Variants in UNC93A observed in about 807,000 individuals in gnomAD.
The protein encoded by UNC93A is unc-93 homolog A, also known as N-acetylglucosamine transporter UNC93A.
In UNC93A, 43 loss-of-function variants were observed where a neutral mutation model predicts 47.5. That is an observed-to-expected ratio of 0.91 (90% CI 0.71 to 1.17). UNC93A has a LOEUF of 1.17. Ranked by LOEUF, UNC93A falls within the 50% of genes most tolerant of loss-of-function variation. The pLI, the probability that UNC93A is intolerant of heterozygous loss-of-function variation, is 0.00. For synonymous variants in UNC93A, 280 were observed against 258.0 expected, an observed-to-expected ratio of 1.09 and a Z score of -0.82; for missense variants, 605 against 577.6, an observed-to-expected ratio of 1.05 and a Z score of -0.49.
intron 1 of UNC93A, among the ~76,000 whole-genome samples, chr6:167,283,667 G>A (rs6934251): frequency 0.019 from 2,921 of 152,086 alleles, 105 homozygotes; most frequent in African/African-American, 0.067. Context: ...AATGAGTTGC[G>A]GAACATGCCA....
intron 2 of UNC93A, among the ~76,000 whole-genome samples, chr6:167,295,428 A>ATCCTCGGCCTCCCTCGTGC (rs1583075018): frequency 2.8e-5 from 2 of 70,288 alleles, no homozygotes; most frequent in African/African-American, 6.3e-5. Context: ...CTCCCTCGTG[A>ATCCTCGGCCTCCCTCGTGC]TCCTCGGCCT....
Position 167,272,987 on chromosome 6 carries a change from G to A in UNC93A, c.-52+1529G>A, listed in dbSNP as rs377346547. Reference sequence around the variant, plus strand: ...AATTTAAGAGTGCCCTGGCAGAGGAGGAGGTTCATTCAGATGGTTGGGGGG... The same window carrying A: ...AATTTAAGAGTGCCCTGGCAGAGGAAGAGGTTCATTCAGATGGTTGGGGGG... On this transcript the variant is annotated intron_variant, in intron 1 of 3. Coordinates refer to the UNC93A transcript ENST00000503433. Among the ~76,000 whole-genome samples the A allele has an allele frequency of 1.2e-4, 18 of 151,718 alleles. 1 individual carries two copies. In the South Asian group the frequency reaches 3.6e-3, roughly 30 times the overall value.
chr6:167,309,895 G>A (rs1424517891), intron 7 of UNC93A, among the ~76,000 whole-genome samples: 4 of 152,268 alleles, frequency 2.6e-5, no homozygotes, highest in Non-Finnish European at 4.4e-5. Context: ...TTGGCCCAGC[G>A]CCACACTCTG....
chr6:167,276,631 G>T (rs1297164773), intron 1 of UNC93A, among the ~76,000 whole-genome samples: 1 of 152,130 alleles, frequency 6.6e-6, no homozygotes, highest in African/African-American at 2.4e-5. Context: ...AGAGTCCCGG[G>T]ATCCCAGCTG....
intron 1 of UNC93A, among the ~76,000 whole-genome samples, chr6:167,279,668 T>C (rs1001079187): frequency 6.6e-6 from 1 of 152,204 alleles, no homozygotes; most frequent in African/African-American, 2.4e-5. Flanking sequence ...CAGTCGAGTA[T>C]AACCATAGAT....
chr6:167,309,614 G>C (rs1021734890), intron 7 of UNC93A, among the ~76,000 whole-genome samples: 1 of 152,110 alleles, frequency 6.6e-6, no homozygotes, highest in African/African-American at 2.4e-5. Context: ...ACCCACAAAC[G>C]AACTACAGGC....
intron 5 of UNC93A, 124 bp downstream of exon 5, chr6:167,304,257 C>CG: frequency 9.5e-7 from 1 of 1,055,474 alleles, no homozygotes; most frequent in Non-Finnish European, 1.4e-6. Context: ...CTGGAGGGAG[C>CG]GGGGTCCTAT....
chr6:167,291,791 A>G (rs549656402), intron 1 of UNC93A, among the ~76,000 whole-genome samples: 1 of 152,326 alleles, frequency 6.6e-6, no homozygotes, highest in African/African-American at 2.4e-5. Context: ...CACAACAGCG[A>G]GGTGCACGTT....
At chr6:167,292,228 G>A (rs1052513111) in intron 1 of UNC93A, among the ~76,000 whole-genome samples, 6 of 152,074 alleles carry the variant, frequency 3.9e-5, no homozygotes, top group Non-Finnish European at 8.8e-5. Context: ...GAATTCCAAG[G>A]GCTGGTCAGG....
At chr6:167,308,919 A>G (rs1246519105) in intron 7 of UNC93A, among the ~76,000 whole-genome samples, 1 of 152,104 alleles carries the variant, frequency 6.6e-6, no homozygotes, top group African/African-American at 2.4e-5. Context: ...CCAAATGCCA[A>G]AGTCCTCACA....
chr6:167,278,044 C>T lies in UNC93A; in HGVS notation c.-52+6586C>T, dbSNP rs73790150. Among the ~76,000 whole-genome samples the T allele has an allele frequency of 5.2e-3, 794 of 152,276 alleles. 13 individuals are homozygous for T. Among genetic ancestry groups the T allele is most frequent in the African/African-American group, 0.018 (756 of 41,542 alleles). On this transcript the variant is annotated intron_variant, in intron 1 of 3. Coordinates refer to the UNC93A transcript ENST00000503433. ...CTACCCACCCCAGGGACTTGAAAAC[C>T]GGATTTGAAATGCCAAATAGGTTTA... is the stretch of plus-strand genomic sequence containing the variant.
chr6:167,269,752 G>A (rs1783421203), upstream of UNC93A, among the ~76,000 whole-genome samples: 3 of 151,364 alleles, frequency 2.0e-5, no homozygotes, highest in African/African-American at 4.9e-5. Flanking sequence ...GACTACAGGC[G>A]CCCACCACCA....
intron 7 of UNC93A, 116 bp downstream of exon 7, chr6:167,308,026 G>A: frequency 7.1e-7 from 1 of 1,413,742 alleles, no homozygotes; most frequent in Non-Finnish European, 9.4e-7. Context: ...TGAGTTGGGA[G>A]AGACGGGAGG....
At chr6:167,289,611 G>C (rs369971398), upstream of UNC93A, among the ~76,000 whole-genome samples, 142 of 152,160 alleles carry the variant, frequency 9.3e-4, 1 homozygote, top group Middle Eastern at 3.4e-3. Flanking sequence ...TGGTGAAGGG[G>C]AGGGGAAGAG....
rs141633499 is a variant in UNC93A at position 167,296,216 on chromosome 6, G to T, written c.454G>T (p.Gly152Cys). Reference sequence around the variant, plus strand: ...CATATTCCAGTCATCCGGTGTGTGGGGCAACTTGATCTCATCGCTGGTATT... The same window carrying T: ...CATATTCCAGTCATCCGGTGTGTGGTGCAACTTGATCTCATCGCTGGTATT... ...FLIFQSSGVW[G>C]NLISSLVFGQ... The change falls in exon 3 of 8, where the codon GGC (glycine) becomes TGC (cysteine). Residue 152 changes from glycine (G) to cysteine (C), a missense_variant. By Grantham distance (159) the Gly-to-Cys change is radical. Transcript: ENST00000230256. 5.6e-6 allele frequency: 9 copies of T among 1,614,070 alleles called. No homozygotes were observed. The highest frequency in any genetic ancestry group is 1.7e-5 in the Admixed American group (1 of 60,006).
At chr6:167,293,448 T>C (rs1447246451) in intron 1 of UNC93A, among the ~76,000 whole-genome samples, 1 of 152,144 alleles carries the variant, frequency 6.6e-6, no homozygotes, top group East Asian at 1.9e-4. Context: ...CGGACGTGCT[T>C]TAACCCTCTA....
At chr6:167,305,877 G>C in intron 5 of UNC93A, 38 bp from the exon 6 acceptor site, 1 of 1,613,232 alleles carries the variant, frequency 6.2e-7, no homozygotes, top group Non-Finnish European at 8.5e-7. Flanking sequence ...GGGAGGCCTG[G>C]GAGCGTCCAT....
chr6:167,297,926 G>A lies in UNC93A; in HGVS notation c.500-19G>A. On this transcript the variant is annotated intron_variant, in intron 3 of 7. Transcript: ENST00000230256. ...CATTTGCCGTCATCTCATGTCTCCT[G>A]TCCACTCTGACTTCATAGAGACCCT... The A allele has an allele frequency of 6.2e-7, 1 of 1,612,434 alleles. No individual in the cohort carries two copies. The highest frequency in any genetic ancestry group is 8.5e-7 in the Non-Finnish European group (1 of 1,179,414).
intron 1 of UNC93A, among the ~76,000 whole-genome samples, chr6:167,293,858 CCTT>C (rs957110949): frequency 1.3e-5 from 2 of 152,212 alleles, no homozygotes; most frequent in African/African-American, 4.8e-5. Flanking sequence ...GAGGTCACCT[CCTT>C]CTCCCCACCC....
Sources: allele counts gnomAD v4.1 joint callset (sites outside exome capture counted in the v4.1 genomes callset), GRCh38; gene constraint gnomAD v4.1.1; transcripts MANE v1.5; gene names NCBI Gene and HGNC (gene_info 2026-07-23, HGNC 2026-07-21).